Variants in OSBPL5 observed in about 807,000 individuals in gnomAD.
The protein encoded by OSBPL5 is oxysterol-binding protein-related protein 5.
OSBPL5 carries 71 observed loss-of-function variants against 111.2 expected under a neutral mutation model. The observed-to-expected ratio is 0.64, with a 90% CI of 0.53 to 0.78. The LOEUF (loss-of-function observed/expected upper bound fraction) is 0.78. Ranked by LOEUF, OSBPL5 falls within the 30% of genes least tolerant of loss-of-function variation. The probability of loss-of-function intolerance (pLI) is 0.00; values close to 1 mark genes in which losing one functional copy is unlikely to be tolerated. For missense variants in OSBPL5, 1,210 were observed against 1,189.3 expected (o/e 1.02, Z -0.26); for synonymous variants, 549 against 513.9 (o/e 1.07, Z -0.93).
chr11:3,107,274 C>A lies in OSBPL5; in HGVS notation c.1048G>T (p.Glu350Ter). Residue 350 changes from glutamate (E) to a stop codon, truncating the protein, a stop_gained, in exon 9 of 22, where the codon GAG becomes TAG. Coordinates refer to ENST00000263650, the MANE Select transcript of OSBPL5 (RefSeq NM_020896.4). LOFTEE classifies it high-confidence loss of function. This position sits in a 1 kb window ranked among gnomAD's most constrained non-coding sequence, Gnocchi z 6.1. Reference sequence around the variant, plus strand: ...TGGGGGGCTCTCACCTCCCCCAGCTCCTCCTGGACCTGCTCCACATAGGTG... The same window carrying A: ...TGGGGGGCTCTCACCTCCCCCAGCTACTCCTGGACCTGCTCCACATAGGTG... Reference protein sequence around the residue: ...GTTYVEQVQEELGELGEASQV... With the variant: ...GTTYVEQVQE The A allele has an allele frequency of 1.2e-6, 2 of 1,612,712 alleles. No individual in the cohort carries two copies. The highest frequency in any genetic ancestry group is 1.7e-6 in the Non-Finnish European group (2 of 1,179,700).
In OSBPL5 at chr11:3,110,334, CAGGTT is replaced by C. The variant is rs557077360; in HGVS notation, c.692-2394_692-2390del. 1.5e-3 allele frequency among the ~76,000 whole-genome samples: 226 copies of C among 152,330 alleles called. No individual in the cohort carries two copies. Among genetic ancestry groups the C allele is most frequent in the African/African-American group, 5.1e-3 (214 of 41,572 alleles). ...GCGAGGTGGGGTAGGGCCCCAACCT[CAGGTT>C]AGAGGGAGGAACGGCCAAGAGGGAA... On this transcript the variant is annotated intron_variant, in intron 7 of 21. Coordinates refer to ENST00000263650, the MANE Select transcript of OSBPL5 (RefSeq NM_020896.4). This position sits in a 1 kb window ranked among gnomAD's most constrained non-coding sequence, Gnocchi z 5.3.
chr11:3,095,032 C>T (rs1194140522), intron 14 of OSBPL5, among the ~76,000 whole-genome samples: 1 of 152,122 alleles, frequency 6.6e-6, no homozygotes, highest in Non-Finnish European at 1.5e-5. Context: ...GAATATGTCT[C>T]TTAAAAATGA....
At chr11:3,132,565 T>C (rs1845841369) in intron 1 of OSBPL5, among the ~76,000 whole-genome samples, 1 of 149,922 alleles carries the variant, frequency 6.7e-6, no homozygotes, top group South Asian at 2.2e-4. Context: ...CGCCACCCCA[T>C]TCCCCAGCCC....
intron 2 of OSBPL5, among the ~76,000 whole-genome samples, chr11:3,127,502 G>A (rs1026227776): frequency 4.6e-5 from 7 of 152,184 alleles, no homozygotes; most frequent in Admixed American, 4.6e-4. Flanking sequence ...GTCCTGGACC[G>A]TGGCCACTCA....
At chr11:3,089,535 C>T (rs1034676196) in intron 21 of OSBPL5, among the ~76,000 whole-genome samples, 1 of 152,228 alleles carries the variant, frequency 6.6e-6, no homozygotes, top group Non-Finnish European at 1.5e-5. Flanking sequence ...ACCTCAAGGT[C>T]TCTCCTGGGG....
At chr11:3,103,410 C>T in intron 10 of OSBPL5, 90 bp from the exon 11 acceptor site, 2 of 1,190,662 alleles carry the variant, frequency 1.7e-6, no homozygotes, top group Non-Finnish European at 1.2e-6. Flanking sequence ...CCATCCCGAC[C>T]TCCAACCACT....
chr11:3,159,049 C>G (rs567787631), intron 1 of OSBPL5, among the ~76,000 whole-genome samples: 14 of 152,302 alleles, frequency 9.2e-5, no homozygotes, highest in African/African-American at 3.1e-4. Flanking sequence ...GGCCCCATTT[C>G]CTCCGTCTCA....
At chr11:3,124,944 G>A (rs181428552) in intron 3 of OSBPL5, among the ~76,000 whole-genome samples, 22 of 152,304 alleles carry the variant, frequency 1.4e-4, no homozygotes, top group Admixed American at 1.2e-3. Flanking sequence ...AGGCAAGACC[G>A]CATGGCATGG....
rs1857850328 is a variant in OSBPL5, at chr11:3,109,785, G to C, written c.692-1840C>G. 6.6e-6 allele frequency among the ~76,000 whole-genome samples: 1 copy of C among 152,148 alleles called. No individual in the cohort carries two copies. Among genetic ancestry groups the C allele is most frequent in the Non-Finnish European group, 1.5e-5 (1 of 68,022 alleles). On this transcript the variant is annotated intron_variant, in intron 7 of 21. Coordinates refer to ENST00000263650, the MANE Select transcript of OSBPL5 (RefSeq NM_020896.4). This position sits in a 1 kb window ranked among gnomAD's most constrained non-coding sequence, Gnocchi z 7.4. ...AACTGCCGAGTTGGCCCCAGGGCCT[G>C]AACACGTGTGCTTTGTAGCTGCCAC...
In OSBPL5 at chr11:3,093,815, G is replaced by T. The variant is rs777139194; in HGVS notation, c.1740C>A (p.Thr580=). 1.9e-6 allele frequency: 3 copies of T among 1,612,522 alleles called. No homozygotes were observed. Among genetic ancestry groups the T allele is most frequent in the Admixed American group, 1.7e-5 (1 of 59,992 alleles). ...TCTTTCCCGAGATCTGGTTGATGCT[G>T]GTGCTACCCCCGAAGAAGGGCTGCG... ...FKLKPFFGGS[T]SINQISGKIT... The change falls in exon 16 of 22, where the codon ACC becomes ACA. Residue 580 remains threonine, a synonymous_variant. Transcript: ENST00000263650.
chr11:3,112,086 C>T (rs1268239535), intron 7 of OSBPL5, among the ~76,000 whole-genome samples: 1 of 88,740 alleles, frequency 1.1e-5, no homozygotes, highest in South Asian at 4.2e-4. Flanking sequence ...TGTGTGTGTG[C>T]ATGTGTGTGT....
At position 3,104,072 on chromosome 11, in the gene OSBPL5, C is replaced by G. The variant is rs1315456838; in HGVS notation, c.1244+121G>C. On this transcript the variant is annotated intron_variant, in intron 10 of 21. Coordinates refer to ENST00000263650, the MANE Select transcript of OSBPL5 (RefSeq NM_020896.4). The surrounding 1 kb of genome is among the most constrained non-coding windows in gnomAD (Gnocchi z 5.0). ...AGGCTACAGCTGCAGAAACAGTGGG[C>G]TGAGATCAGCCATGGGATTCTCTGG... 1 of 1,230,304 alleles carries G rather than the reference C, an allele frequency of 8.1e-7. No individual in the cohort carries two copies. Among genetic ancestry groups the G allele is most frequent in the Non-Finnish European group, 1.1e-6 (1 of 895,956 alleles). 76.2% of individuals were successfully genotyped at this position (1,230,304 alleles called of 1,614,324 possible).
chr11:3,113,667 AT>A lies in OSBPL5; in HGVS notation c.692-5723del, dbSNP rs1372444956. 1.3e-5 allele frequency among the ~76,000 whole-genome samples: 2 copies of A among 148,164 alleles called. No individual in the cohort carries two copies. Among genetic ancestry groups the A allele is most frequent in the African/African-American group, 2.5e-5 (1 of 40,350 alleles). ...AAGACTCCGTCTCAAAAAAAAAAAA[AT>A]TTATATTGGTTTAATAAAAATAGCT... On this transcript the variant is annotated intron_variant, in intron 7 of 21. Coordinates refer to ENST00000263650, the MANE Select transcript of OSBPL5 (RefSeq NM_020896.4). This position sits in a 1 kb window ranked among gnomAD's most constrained non-coding sequence, Gnocchi z 4.8.
rs371734500 is a variant in OSBPL5 at position 3,089,889 on chromosome 11, C to T, written c.2458G>A (p.Glu820Lys). Residue 820 changes from glutamate to lysine, a missense_variant, in exon 21 of 22, where the codon GAG becomes AAG. Transcript: ENST00000263650. ...KEARRLQALHEAILSIREAQQ... is the reference protein window; with the variant it reads ...KEARRLQALHKAILSIREAQQ... ...GCCTCTCGGATGGAGAGGATGGCCT[C>T]GTGCAGGGCCTGCAGCCGCCGCGCC... The T allele has an allele frequency of 1.3e-5, 21 of 1,565,816 alleles. No homozygotes were observed. Among genetic ancestry groups the T allele is most frequent in the African/African-American group, 2.7e-5 (2 of 73,794 alleles).
In OSBPL5 at chr11:3,093,632, C is replaced by T. The variant is rs768202474; in HGVS notation, c.1841G>A (p.Ser614Asn). 5 of 1,613,184 alleles carry T rather than the reference C, an allele frequency of 3.1e-6. No homozygotes were observed. The Admixed American group carries it at 6.7e-5, about 21-fold the overall frequency. Reference sequence around the variant, plus strand: ...GGTCCAGAAAAGCGCACTGCTTCCGCTCCCTTCCTCCTTGATAAACACGTC... The same window carrying T: ...GGTCCAGAAAAGCGCACTGCTTCCGTTCCCTTCCTCCTTGATAAACACGTC... ...DRDVFIKEEG[S>N]GSSALFWTPS... Residue 614 changes from serine to asparagine, a missense_variant, in exon 17 of 22, where the codon AGC becomes AAC. Coordinates refer to ENST00000263650, the MANE Select transcript of OSBPL5 (RefSeq NM_020896.4).
intron 14 of OSBPL5, chr11:3,094,554 C>T (rs1857190594): frequency 7.7e-6 from 4 of 516,276 alleles, no homozygotes; most frequent in Middle Eastern, 5.3e-4. Context: ...CTGGGAGGTG[C>T]GGAGCCTGGG....
rs941973131 is a variant in OSBPL5 at position 3,092,075 on chromosome 11, G to GCTC, written c.2259+354_2259+356dup. Among the ~76,000 whole-genome samples the GCTC allele has an allele frequency of 5.3e-5, 8 of 152,142 alleles. No individual in the cohort carries two copies. The highest frequency in any genetic ancestry group is 1.9e-4 in the African/African-American group (8 of 41,424). Reference sequence around the variant, plus strand: ...AGACACAAGATCTGTGCAAGTGCTGGCTCCTCCTCCTCCTACCTGGGAAGG... The same window carrying GCTC: ...AGACACAAGATCTGTGCAAGTGCTGGCTCCTCCTCCTCCTCCTACCTGGGAAGG... On this transcript the variant is annotated intron_variant, in intron 19 of 21. Transcript: ENST00000263650. This position sits in a 1 kb window ranked among gnomAD's most constrained non-coding sequence, Gnocchi z 5.4.
chr11:3,138,115 G>A (rs1007170334), intron 1 of OSBPL5, among the ~76,000 whole-genome samples: 3 of 152,196 alleles, frequency 2.0e-5, no homozygotes, highest in Non-Finnish European at 4.4e-5. Flanking sequence ...CTGTGGGCCC[G>A]GCCAGGCCAG....
At chr11:3,091,206 C>T (rs1042142593) in intron 19 of OSBPL5, among the ~76,000 whole-genome samples, 1 of 152,248 alleles carries the variant, frequency 6.6e-6, no homozygotes, top group Non-Finnish European at 1.5e-5. Context: ...AGGCAGGGCT[C>T]ATCCATTCAG....
Sources: gnomAD v4.1 joint callset for allele counts (sites outside exome capture counted in the v4.1 genomes callset) on GRCh38, gnomAD v4.1.1 for gene constraint, Gnocchi (gnomAD v3.1) non-coding constraint, MANE v1.5 for transcripts, NCBI Gene and HGNC (gene_info 2026-07-23, HGNC 2026-07-21) for gene names.